Variants in MRTFA observed in about 807,000 individuals in gnomAD.
The protein encoded by MRTFA is myocardin-related transcription factor A.
Under a neutral mutation model 83.5 loss-of-function variants are expected in MRTFA, and 20 were observed. The observed-to-expected ratio is 0.24, with a 90% CI of 0.17 to 0.35. The LOEUF is 0.35. MRTFA is among the 10% of genes least tolerant of loss of function. MRTFA has a pLI of 1.00. For missense variants in MRTFA, 1,200 were observed against 1,224.7 expected (o/e 0.98, Z 0.30); for synonymous variants, 659 against 541.2 (o/e 1.22, Z -3.02).
chr22:40,512,430 T>C (rs1602362347), intron 3 of MRTFA, among the ~76,000 whole-genome samples: 1 of 152,258 alleles, frequency 6.6e-6, no homozygotes, highest in East Asian at 1.9e-4. Context: ...CCTAGAAACA[T>C]ACCTAATGAG....
chr22:40,495,932 G>T (rs1482431084), intron 3 of MRTFA, among the ~76,000 whole-genome samples: 1 of 151,556 alleles, frequency 6.6e-6, no homozygotes, highest in Non-Finnish European at 1.5e-5. Context: ...CGGGTGTGGT[G>T]GCACACGCCT....
intron 1 of MRTFA, among the ~76,000 whole-genome samples, chr22:40,597,967 T>C (rs1444372201): frequency 6.6e-6 from 1 of 152,202 alleles, no homozygotes; most frequent in Non-Finnish European, 1.5e-5. Context: ...TCCAGATCGT[T>C]ATGCAAAGGT....
At chr22:40,617,200 G>GGGAA (rs1169506030) in intron 1 of MRTFA, among the ~76,000 whole-genome samples, 4 of 120,486 alleles carry the variant, frequency 3.3e-5, no homozygotes, top group African/African-American at 1.2e-4. Flanking sequence ...GAGGGAGGGA[G>GGGAA]GGAGGGAGGG....
intron 2 of MRTFA, chr22:40,587,308 C>T: frequency 1.1e-5 from 5 of 470,410 alleles, no homozygotes; most frequent in South Asian, 7.9e-5. Flanking sequence ...TCAAAATGTT[C>T]AGTTTGCTTA....
intron 4 of MRTFA, among the ~76,000 whole-genome samples, chr22:40,457,367 CAAGA>C (rs1358475222): frequency 3.6e-5 from 5 of 139,140 alleles, no homozygotes; most frequent in Admixed American, 7.7e-5. Context: ...GAGATTTTGT[CAAGA>C]AAGAAAGGAA....
Position 40,485,009 on chromosome 22 carries a change from T to A in MRTFA, c.242-21723A>T, listed in dbSNP as rs551203417. Among the ~76,000 whole-genome samples, 4 of 151,260 alleles carry A rather than the reference T, an allele frequency of 2.6e-5. No homozygotes were observed. In the South Asian group the frequency reaches 8.4e-4, roughly 32 times the overall value. On this transcript the variant is annotated intron_variant, in intron 3 of 14. Transcript: ENST00000355630. ...ATCGCTTGCATCTGGGAGTAGGAGG[T>A]TGCAGTGAGAGGAGATTGCGCCACT... is the stretch of plus-strand genomic sequence containing the variant.
intron 4 of MRTFA, among the ~76,000 whole-genome samples, chr22:40,451,500 C>T (rs903128028): frequency 2.6e-5 from 4 of 152,134 alleles, no homozygotes; most frequent in African/African-American, 9.7e-5. Context: ...GACCAACTCC[C>T]AAGAATGAAT....
chr22:40,439,033 T>C (rs1428546135), intron 4 of MRTFA, among the ~76,000 whole-genome samples: 3 of 152,170 alleles, frequency 2.0e-5, no homozygotes, highest in African/African-American at 7.2e-5. Context: ...GTAGGTAATA[T>C]CCCATTTTAT....
At chr22:40,611,336 G>C (rs1371661195) in intron 1 of MRTFA, among the ~76,000 whole-genome samples, 1 of 151,894 alleles carries the variant, frequency 6.6e-6, no homozygotes, top group Non-Finnish European at 1.5e-5. Context: ...TCCTGGATTC[G>C]AGTGATCCTC....
chr22:40,550,406 A>G (rs1340829020), intron 3 of MRTFA, among the ~76,000 whole-genome samples: 1 of 152,186 alleles, frequency 6.6e-6, no homozygotes, highest in African/African-American at 2.4e-5. Context: ...TAACTAAAAT[A>G]AGGTAGTACT....
chr22:40,421,235 C>T, intron 9 of MRTFA, 135 bp from the exon 10 acceptor site: 1 of 1,025,712 alleles, frequency 9.7e-7, no homozygotes, highest in South Asian at 1.8e-5. Context: ...CCACTCTTCC[C>T]TGTGGGACCG....
intron 3 of MRTFA, among the ~76,000 whole-genome samples, chr22:40,530,417 C>A (rs1412481579): frequency 6.6e-6 from 1 of 152,234 alleles, no homozygotes; most frequent in Non-Finnish European, 1.5e-5. Context: ...CTGCCTCAGC[C>A]CCCCAAGTAG....
Position 40,475,913 on chromosome 22 carries a change from G to A in MRTFA, c.242-12627C>T, listed in dbSNP as rs141546413. Among the ~76,000 whole-genome samples, 852 of 152,300 alleles carry A rather than the reference G, an allele frequency of 5.6e-3. 7 individuals carry two copies. Among genetic ancestry groups the A allele is most frequent in the African/African-American group, 0.019 (805 of 41,562 alleles). On this transcript the variant is annotated intron_variant, in intron 3 of 14. Coordinates refer to ENST00000355630, the MANE Select transcript of MRTFA (RefSeq NM_020831.6). Reference sequence around the variant, plus strand: ...TATTCCCAGCACTTCGGGAGGCCGAGGCGGGTGGATCACGAGGTCAGGAGA... The same window carrying A: ...TATTCCCAGCACTTCGGGAGGCCGAAGCGGGTGGATCACGAGGTCAGGAGA...
intron 3 of MRTFA, among the ~76,000 whole-genome samples, chr22:40,470,443 C>T (rs770351611): frequency 2.0e-5 from 3 of 150,674 alleles, no homozygotes; most frequent in Non-Finnish European, 4.4e-5. Context: ...ACAGCTGAAA[C>T]AGTGCTTAGA....
intron 3 of MRTFA, among the ~76,000 whole-genome samples, chr22:40,466,511 GA>G: frequency 6.6e-6 from 1 of 152,236 alleles, no homozygotes; most frequent in Non-Finnish European, 1.5e-5. Flanking sequence ...TTGTCAGAAA[GA>G]AAAAGGAGAG....
chr22:40,410,501 AGGC>A lies in MRTFA; in HGVS notation c.*886_*888del, dbSNP rs1470483470. 2 of 233,266 alleles carry A rather than the reference AGGC, an allele frequency of 8.6e-6. No individual in the cohort carries two copies. Among genetic ancestry groups the A allele is most frequent in the Non-Finnish European group, 1.7e-5 (2 of 117,778 alleles). The allele number at this position is 233,266 out of a possible 1,614,324, so 14.4% of individuals were successfully genotyped here. ...TCCTAGGGCCACGCTGGCTGCAGTGAGGCGGCGGGGACGGAATGTGAGTGGGTG... is the reference window on the plus strand; with the variant it reads ...TCCTAGGGCCACGCTGGCTGCAGTGAGGCGGGGACGGAATGTGAGTGGGTG... On this transcript the variant is annotated 3_prime_UTR_variant, in exon 15 of 15. Transcript: ENST00000355630.
chr22:40,632,450 A>C (rs1569361404), intron 1 of MRTFA, among the ~76,000 whole-genome samples: 1 of 143,822 alleles, frequency 7.0e-6, no homozygotes, highest in Non-Finnish European at 1.5e-5. Flanking sequence ...CTCCCAGATA[A>C]TTTTTTTTTT....
In MRTFA at chr22:40,470,274, T is replaced by G. The variant is rs1602296274; in HGVS notation, c.242-6988A>C. Among the ~76,000 whole-genome samples the G allele has an allele frequency of 1.0e-4, 10 of 96,440 alleles. No individual in the cohort carries two copies. The South Asian group carries it at 3.1e-3, about 30-fold the overall frequency. 63.3% of individuals were successfully genotyped at this position (96,440 alleles called of 152,430 possible). On this transcript the variant is annotated intron_variant, in intron 3 of 14. Transcript: ENST00000355630. ...ATATATATATATATATATATATATA[T>G]ATATATAAAGAAACATAATAAAGAG... is the stretch of plus-strand genomic sequence containing the variant.
At position 40,411,882 on chromosome 22, in the gene MRTFA, C is replaced by T. The variant is rs754100449; in HGVS notation, c.2604G>A (p.Pro868=). ...GCTTCTCCTTCCCTGGCAGGGATGG[C>T]GGCTCCTTGAAATCTGCTGAAATTT... Residue 868 remains proline (P), a synonymous_variant, in exon 15 of 15, where the codon CCG becomes CCA. Coordinates refer to ENST00000355630, the MANE Select transcript of MRTFA (RefSeq NM_020831.6). 6.9e-5 allele frequency: 102 copies of T among 1,479,700 alleles called. No individual in the cohort carries two copies. Among genetic ancestry groups the T allele is most frequent in the Non-Finnish European group, 6.1e-5 (68 of 1,113,428 alleles). 91.7% of individuals were successfully genotyped at this position (1,479,700 alleles called of 1,614,324 possible).
Sources: allele counts gnomAD v4.1 joint callset (sites outside exome capture counted in the v4.1 genomes callset), GRCh38; gene constraint gnomAD v4.1.1; transcripts MANE v1.5; gene names NCBI Gene and HGNC (gene_info 2026-07-23, HGNC 2026-07-21).